OPN5: variants seen among roughly 807,000 people sequenced by gnomAD.
The protein encoded by OPN5 is opsin 5, also known as opsin-5.
Under a neutral mutation model 41.7 loss-of-function variants are expected in OPN5, and 18 were observed. The ratio of observed to expected loss-of-function variants is 0.43; its 90% confidence interval spans 0.30 to 0.64. The LOEUF (loss-of-function observed/expected upper bound fraction) is 0.64. Among genes scored for constraint, OPN5 ranks in the 30% least tolerant of loss-of-function variants. The pLI, the probability that OPN5 is intolerant of heterozygous loss-of-function variation, is 0.13. For synonymous variants in OPN5, 178 were observed against 164.3 expected (o/e 1.08, Z -0.64); for missense variants, 318 against 434.5 (o/e 0.73, Z 2.38).
intron 4 of OPN5, among the ~76,000 whole-genome samples, chr6:47,796,666 A>C (rs1773581983): frequency 6.6e-6 from 1 of 152,108 alleles, no homozygotes. Context: ...CACTTTGGAG[A>C]CCACTAGTCT....
exon 7 of OPN5, chr6:47,824,348 G>C (rs1309309676): frequency 3.1e-6 from 1 of 320,036 alleles, no homozygotes; most frequent in Non-Finnish European, 5.8e-6. Flanking sequence ...AGGAGATCAG[G>C]CTGTGTCTCT....
chr6:47,802,089 A>C (rs953725241), intron 4 of OPN5, among the ~76,000 whole-genome samples: 8 of 152,124 alleles, frequency 5.3e-5, no homozygotes, highest in Non-Finnish European at 1.0e-4. Flanking sequence ...GTGAGAGGAG[A>C]AGCACTGTGC....
At chr6:47,819,362 AT>A (rs1561907313) in intron 6 of OPN5, among the ~76,000 whole-genome samples, 87 of 37,018 alleles carry the variant, frequency 2.4e-3, no homozygotes, top group Non-Finnish European at 3.2e-3. Flanking sequence ...TAAAAAATAT[AT>A]TACCGTATAA....
chr6:47,799,771 C>A (rs1354414591), intron 4 of OPN5, among the ~76,000 whole-genome samples: 2 of 152,146 alleles, frequency 1.3e-5, no homozygotes, highest in African/African-American at 4.8e-5. Context: ...GACACCTTCT[C>A]AGGGTAGGTT....
chr6:47,795,460 C>T (rs1264451045), exon 4 of OPN5: 2 of 1,614,064 alleles, frequency 1.2e-6, no homozygotes, highest in Non-Finnish European at 8.5e-7. Flanking sequence ...ATCGTGTTCT[C>T]CTACGTAAAG....
intron 4 of OPN5, among the ~76,000 whole-genome samples, chr6:47,805,241 C>T (rs1014457339): frequency 5.9e-4 from 90 of 152,056 alleles, no homozygotes; most frequent in Non-Finnish European, 2.9e-5. Context: ...AAAGCAAGTC[C>T]AACAGGAGAG....
chr6:47,795,169 G>C, intron 3 of OPN5, 60 bp from the exon 4 acceptor site: 1 of 1,224,970 alleles, frequency 8.2e-7, no homozygotes, highest in Non-Finnish European at 1.1e-6. Flanking sequence ...GACATATCGA[G>C]GGGAGGTATC....
At chr6:47,818,271 A>G (rs1427002937) in intron 6 of OPN5, among the ~76,000 whole-genome samples, 2 of 152,190 alleles carry the variant, frequency 1.3e-5, no homozygotes, top group Non-Finnish European at 2.9e-5. Flanking sequence ...GATTTATTCA[A>G]ACTGCTCAGA....
chr6:47,821,928 T>C (rs1441546330), intron 6 of OPN5, among the ~76,000 whole-genome samples: 2 of 151,932 alleles, frequency 1.3e-5, no homozygotes, highest in Admixed American at 6.6e-5. Flanking sequence ...GCCTGGCCAA[T>C]ATGGCAAAAC....
At chr6:47,799,232 ATGATAT>A (rs1171098151) in intron 4 of OPN5, among the ~76,000 whole-genome samples, 57 of 151,034 alleles carry the variant, frequency 3.8e-4, no homozygotes, top group Admixed American at 1.8e-3. Flanking sequence ...ACACACACAC[ATGATAT>A]ACATGATATA....
At chr6:47,795,766 T>TCC (rs1773540009) in intron 4 of OPN5, among the ~76,000 whole-genome samples, 2 of 96,346 alleles carry the variant, frequency 2.1e-5, no homozygotes, top group South Asian at 3.7e-4. Flanking sequence ...CTCTCTTCTC[T>TCC]CTCTCTCTCT....
At chr6:47,819,399 T>TATATATATATATATATAA (rs1484297411) in intron 6 of OPN5, among the ~76,000 whole-genome samples, 5 of 128,642 alleles carry the variant, frequency 3.9e-5, no homozygotes, top group African/African-American at 8.4e-5. Flanking sequence ...TATATATATA[T>TATATATATATATATATAA]AAAACAGTAT....
At chr6:47,806,998 A>C (rs1773994004) in intron 4 of OPN5, among the ~76,000 whole-genome samples, 1 of 152,134 alleles carries the variant, frequency 6.6e-6, no homozygotes, top group African/African-American at 2.4e-5. Flanking sequence ...TCTCTACAAA[A>C]ATACAAAAAT....
chr6:47,788,607 C>A (rs553060914), intron 2 of OPN5, among the ~76,000 whole-genome samples: 34 of 152,030 alleles, frequency 2.2e-4, no homozygotes, highest in Admixed American at 9.2e-4. Flanking sequence ...TTCCAATAAA[C>A]GTTAAAACTT....
intron 4 of OPN5, among the ~76,000 whole-genome samples, chr6:47,798,979 A>C (rs978240012): frequency 1.3e-5 from 2 of 152,130 alleles, no homozygotes; most frequent in African/African-American, 4.8e-5. Flanking sequence ...TCTGAGATCA[A>C]AATCATTTAG....
chr6:47,801,858 T>A (rs1561897482), intron 4 of OPN5, among the ~76,000 whole-genome samples: 1 of 152,026 alleles, frequency 6.6e-6, no homozygotes, highest in African/African-American at 2.4e-5. Flanking sequence ...CAATGATTCA[T>A]ACATGGTAAG....
At chr6:47,811,639 G>T (rs1158357258) in intron 5 of OPN5, 35 bp from the exon 6 acceptor site, 27 of 1,437,266 alleles carry the variant, frequency 1.9e-5, no homozygotes, top group African/African-American at 2.8e-5. Context: ...TGTATATGTA[G>T]ATATTAAATT....
intron 3 of OPN5, 106 bp downstream of exon 3, chr6:47,792,078 C>A: frequency 1.3e-6 from 1 of 741,032 alleles, no homozygotes. Flanking sequence ...TGAATAACCT[C>A]AGAGATCAAG....
At chr6:47,821,077 C>T (rs547048543) in intron 6 of OPN5, among the ~76,000 whole-genome samples, 5 of 152,122 alleles carry the variant, frequency 3.3e-5, no homozygotes, top group South Asian at 4.1e-4. Flanking sequence ...ATTGTCTTCA[C>T]GTTGAGTAGG....
Sources: gnomAD v4.1 joint callset for allele counts (sites outside exome capture counted in the v4.1 genomes callset) on GRCh38, gnomAD v4.1.1 for gene constraint, MANE v1.5 for transcripts, NCBI Gene and HGNC (gene_info 2026-07-23, HGNC 2026-07-21) for gene names.